The following ATP13A2 variants were observed in gnomAD, a reference collection of about 807,000 sequenced individuals.
ATP13A2 encodes polyamine-transporting ATPase 13A2.
A neutral mutation model predicts 138.3 loss-of-function variants in ATP13A2; 83 were observed. The observed-to-expected ratio is 0.60, with a 90% CI of 0.50 to 0.72. The LOEUF (loss-of-function observed/expected upper bound fraction) is 0.72, where lower values mean the gene tolerates loss of function less well. ATP13A2 is among the 30% of genes least tolerant of loss of function. The probability of loss-of-function intolerance (pLI) is 0.00; values close to 1 mark genes in which losing one functional copy is unlikely to be tolerated. For synonymous variants in ATP13A2, 663 were observed against 699.0 expected (o/e 0.95, Z 0.81); for missense variants, 1,402 against 1,606.4 (o/e 0.87, Z 2.17).
rs778214426 is a variant in ATP13A2, at chr1:17,002,067, C to T, written c.672G>A (p.Pro224=). The stretch of plus-strand genomic sequence containing the variant: ...CCAGCAGCTGGGGGTAGGACTTGAC[C>T]GGTATGCTGATCACGTTGGGGCCGT... ...AIYGPNVISI[P]VKSYPQLLVD... Residue 224 remains proline, a synonymous_variant, in exon 8 of 29, where the codon CCG becomes CCA. Coordinates refer to ENST00000326735, the MANE Select transcript of ATP13A2 (RefSeq NM_022089.4). 9.9e-6 allele frequency: 16 copies of T among 1,613,538 alleles called. No homozygotes were observed. The highest frequency in any genetic ancestry group is 1.7e-4 in the Middle Eastern group (1 of 6,040).
chr1:17,001,857 T>A (rs186975888), intron 8 of ATP13A2, among the ~76,000 whole-genome samples, 177 bp downstream of exon 8: 1 of 152,306 alleles, frequency 6.6e-6, no homozygotes, highest in African/African-American at 2.4e-5. Context: ...CTCCAATTCC[T>A]GGACCTGGTC....
At chr1:17,010,097 C>T (rs2077726890) in intron 1 of ATP13A2, among the ~76,000 whole-genome samples, 1 of 149,104 alleles carries the variant, frequency 6.7e-6, no homozygotes, top group South Asian at 2.1e-4. Flanking sequence ...CCCCCGTTCC[C>T]CCCTTCCCCC....
At chr1:16,993,979 G>A in intron 15 of ATP13A2, 144 bp from the exon 16 acceptor site, 1 of 684,690 alleles carries the variant, frequency 1.5e-6, no homozygotes, top group Non-Finnish European at 2.5e-6. Context: ...TTTCTTGACT[G>A]CTGTCCTTGG....
chr1:16,987,375 A>G (rs577941743), intron 25 of ATP13A2, 106 bp from the exon 26 acceptor site: 5 of 1,094,318 alleles, frequency 4.6e-6, no homozygotes, highest in Admixed American at 4.0e-5. Context: ...CTGATGGGTA[A>G]GGCATCCCCC....
chr1:16,987,117 G>T lies in ATP13A2; in HGVS notation c.3012C>A (p.Ser1004Arg), dbSNP rs748402756. 1.9e-6 allele frequency: 3 copies of T among 1,613,424 alleles called. No individual in the cohort carries two copies. The highest frequency in any genetic ancestry group is 8.5e-7 in the Non-Finnish European group (1 of 1,179,930). The change falls in exon 26 of 29, where the codon AGC becomes AGA. Residue 1004 changes from serine (S) to arginine (R), a missense_variant. Coordinates refer to ENST00000326735, the MANE Select transcript of ATP13A2 (RefSeq NM_022089.4). ...GALLSVPVLS[S>R]LLLQMVLVTG... ...TCACCAGGACCATCTGCAGCAGCAG[G>T]CTGCTGAGCACGGGCACGCTGAGCA...
At chr1:16,991,374 C>T (rs531190907) in intron 20 of ATP13A2, among the ~76,000 whole-genome samples, 3 of 152,150 alleles carry the variant, frequency 2.0e-5, no homozygotes, top group Admixed American at 1.3e-4. Flanking sequence ...CATGAAGTAC[C>T]GTGCCCGGCC....
rs779801274 is a variant in ATP13A2 at position 16,986,190 on chromosome 1, T to C, written c.*31A>G. The stretch of plus-strand genomic sequence containing the variant: ...CAGTTGGTGGCTCAGAGGCAGGGAG[T>C]TCCAGTGTCTGGGGTGCCCGTGGGC... On this transcript the variant is annotated 3_prime_UTR_variant, in exon 29 of 29. Coordinates refer to ENST00000326735, the MANE Select transcript of ATP13A2 (RefSeq NM_022089.4). The surrounding 1 kb of genome is among the most constrained non-coding windows in gnomAD (Gnocchi z 6.9). The C allele has an allele frequency of 8.6e-5, 139 of 1,612,050 alleles. No individual in the cohort carries two copies. The highest frequency in any genetic ancestry group is 1.1e-4 in the Non-Finnish European group (126 of 1,179,522).
rs2077124423 is a variant in ATP13A2, at chr1:16,996,371, C to T, written c.1306+15G>A. The stretch of plus-strand genomic sequence containing the variant: ...GGGGGGCTATGGGCAGAGGAGGGTG[C>T]AGGGGGCCACTCACCCAGGACAGAG... On this transcript the variant is annotated intron_variant, in intron 13 of 28. Coordinates refer to ENST00000326735, the MANE Select transcript of ATP13A2 (RefSeq NM_022089.4). The T allele has an allele frequency of 3.1e-6, 5 of 1,613,190 alleles. No individual in the cohort carries two copies. In the East Asian group the frequency reaches 1.1e-4, roughly 36 times the overall value.
In ATP13A2 at chr1:16,992,144, C is replaced by A. The variant is rs767109472; in HGVS notation, c.2006-15G>T. ...GTCGGTGGGCACTGCCAGGGAGAGG[C>A]AGGTGTCACAAGGAGGGGATGGCAG... On this transcript the variant is annotated splice_polypyrimidine_tract_variant and intron_variant, in intron 18 of 28. Coordinates refer to ENST00000326735, the MANE Select transcript of ATP13A2 (RefSeq NM_022089.4). The A allele has an allele frequency of 6.2e-7, 1 of 1,612,600 alleles. No individual in the cohort carries two copies. The highest frequency in any genetic ancestry group is 2.2e-5 in the East Asian group (1 of 44,822).
Position 17,000,676 on chromosome 1 carries a change from A to G in ATP13A2, c.706-142T>C, listed in dbSNP as rs374525738. ...CCAGGCCTTTCTCCTGGTCAATCCC[A>G]TCCCCACCCAACCAGACATCCCCAG... On this transcript the variant is annotated intron_variant, in intron 8 of 28. Coordinates refer to ENST00000326735, the MANE Select transcript of ATP13A2 (RefSeq NM_022089.4). 78 of 1,101,628 alleles carry G rather than the reference A, an allele frequency of 7.1e-5. No homozygotes were observed. In the African/African-American group the frequency reaches 1.0e-3, roughly 14 times the overall value. The allele number at this position is 1,101,628 out of a possible 1,614,324, so 68.2% of individuals were successfully genotyped here.
At chr1:17,005,112 C>G in intron 3 of ATP13A2, 40 bp from the exon 4 acceptor site, 1 of 1,608,848 alleles carries the variant, frequency 6.2e-7, no homozygotes, top group Non-Finnish European at 8.5e-7. Context: ...AGAAGAGTCC[C>G]CTCCCCTCCC....
At position 17,005,713 on chromosome 1, in the gene ATP13A2, C is replaced by A; in HGVS notation, c.76G>T (p.Asp26Tyr). The part of the protein sequence containing the change: ...YGTLTIGTSI[D>Y]PLSSSVSSVR... ...GATGAAACTGAGGAGCTGAGGGGATCTATTGATGTCCCTATCGTCAGGGTC... is the reference window on the plus strand; with the variant it reads ...GATGAAACTGAGGAGCTGAGGGGATATATTGATGTCCCTATCGTCAGGGTC... The change falls in exon 2 of 29, where the codon GAT (aspartate) becomes TAT (tyrosine). Residue 26 changes from aspartate to tyrosine, a missense_variant. By Grantham distance (160) the Asp-to-Tyr change is radical. Transcript: ENST00000326735. The A allele has an allele frequency of 6.2e-7, 1 of 1,613,884 alleles. No individual in the cohort carries two copies. Among genetic ancestry groups the A allele is most frequent in the Non-Finnish European group, 8.5e-7 (1 of 1,179,918 alleles).
At chr1:17,006,498 A>G (rs1016705487) in intron 1 of ATP13A2, among the ~76,000 whole-genome samples, 5 of 151,982 alleles carry the variant, frequency 3.3e-5, no homozygotes, top group African/African-American at 9.7e-5. Context: ...TGATCTGCCC[A>G]CTTTGGCCTC....
intron 11 of ATP13A2, among the ~76,000 whole-genome samples, chr1:16,997,793 A>T (rs2077196809): frequency 6.9e-6 from 1 of 145,760 alleles, no homozygotes. Flanking sequence ...GTGAGCCGAG[A>T]TCGTGCCACT....
chr1:16,997,968 G>A (rs2077205100), intron 11 of ATP13A2, among the ~76,000 whole-genome samples: 1 of 152,202 alleles, frequency 6.6e-6, no homozygotes. Flanking sequence ...AGCACTGCAT[G>A]CTCGCCATGG....
Position 16,990,242 on chromosome 1 carries a change from A to G in ATP13A2, c.2297T>C (p.Met766Thr). 3 of 1,614,024 alleles carry G rather than the reference A, an allele frequency of 1.9e-6. No homozygotes were observed. Among genetic ancestry groups the G allele is most frequent in the South Asian group, 1.1e-5 (1 of 91,088 alleles). Residue 766 changes from methionine to threonine, a missense_variant, in exon 21 of 29, where the codon ATG becomes ACG. Met to Thr is a moderately conservative substitution (Grantham distance 81). Coordinates refer to ENST00000326735, the MANE Select transcript of ATP13A2 (RefSeq NM_022089.4). Reference sequence around the variant, plus strand: ...GATCAGATGCTCCTGGGGGGCCACCATGCCACAGCCCCGGGCCACAGTCAC... The same window carrying G: ...GATCAGATGCTCCTGGGGGGCCACCGTGCCACAGCCCCGGGCCACAGTCAC... ...TAVTVARGCGMVAPQEHLIIV... is the reference protein window; with the variant it reads ...TAVTVARGCGTVAPQEHLIIV...
rs917176878 is a variant in ATP13A2 at position 16,989,891 on chromosome 1, G to C, written c.2525C>G (p.Pro842Arg). The change falls in exon 22 of 29, where the codon CCC (proline) becomes CGC (arginine). Residue 842 changes from proline (P) to arginine (R), a missense_variant. Pro to Arg is a moderately radical substitution (Grantham distance 103, BLOSUM62 -2). Coordinates refer to ENST00000326735, the MANE Select transcript of ATP13A2 (RefSeq NM_022089.4). ...GGGAGCTGGGGGCGGCCCTACCTTG[G>C]GCAGCAGCTTGGGGAAGTGCTTCAC... is the stretch of plus-strand genomic sequence containing the variant. ...IIVKHFPKLL[P>R]KVLVQGTVFA... The C allele has an allele frequency of 1.3e-5, 21 of 1,605,208 alleles. No individual in the cohort carries two copies. In the Admixed American group the frequency reaches 1.9e-4, roughly 15 times the overall value.
chr1:16,994,168 G>A (rs145601746), intron 15 of ATP13A2, among the ~76,000 whole-genome samples: 8 of 148,626 alleles, frequency 5.4e-5, no homozygotes, highest in Non-Finnish European at 1.0e-4. Flanking sequence ...TTAAGGACCC[G>A]GCCCACGGTT....
intron 6 of ATP13A2, among the ~76,000 whole-genome samples, chr1:17,003,802 T>A (rs1285508895): frequency 6.6e-6 from 1 of 151,962 alleles, no homozygotes; most frequent in Non-Finnish European, 1.5e-5. Flanking sequence ...TAGCTGGGAT[T>A]ACAGGCACAT....
Sources: gnomAD v4.1 joint callset for allele counts (sites outside exome capture counted in the v4.1 genomes callset) on GRCh38, gnomAD v4.1.1 for gene constraint, Gnocchi (gnomAD v3.1) non-coding constraint, MANE v1.5 for transcripts, NCBI Gene and HGNC (gene_info 2026-07-23, HGNC 2026-07-21) for gene names.